The following NOX4 variants were observed in gnomAD, a reference collection of about 807,000 sequenced individuals.
NOX4 encodes the protein kidney oxidase-1.
A neutral mutation model predicts 87.6 loss-of-function variants in NOX4; 69 were observed. That is an observed-to-expected ratio of 0.79 (90% confidence interval 0.65 to 0.96). NOX4 has a LOEUF of 0.96. Ranked by LOEUF, NOX4 falls within the 40% of genes least tolerant of loss-of-function variation. The probability of loss-of-function intolerance (pLI) is 0.00; values close to 1 mark genes in which losing one functional copy is unlikely to be tolerated. For synonymous variants in NOX4, 275 were observed against 238.2 expected (o/e 1.15, Z -1.42); for missense variants, 680 against 681.5 (o/e 1.00, Z 0.02).
chr11:89,336,112 T>C (rs536706990), intron 16 of NOX4, 167 bp from the exon 17 acceptor site: 65 of 421,956 alleles, frequency 1.5e-4, no homozygotes, highest in African/African-American at 1.2e-3. Flanking sequence ...ATCATTTCCT[T>C]TCTTCTTTCT....
At position 89,362,930 on chromosome 11, in the gene NOX4, T is replaced by C. The variant is rs1433955425; in HGVS notation, c.1136-7887A>G. ...AAATGTGAACACCTAAAATAAGTAA[T>C]TTCTCAGTAACATTTCTGAGCATGC... On this transcript the variant is annotated intron_variant, in intron 12 of 17. Coordinates refer to ENST00000263317, the MANE Select transcript of NOX4 (RefSeq NM_016931.5). 3.9e-5 allele frequency among the ~76,000 whole-genome samples: 6 copies of C among 152,248 alleles called. No individual in the cohort carries two copies. In the East Asian group the frequency reaches 9.7e-4, roughly 25 times the overall value.
intron 12 of NOX4, among the ~76,000 whole-genome samples, chr11:89,367,042 A>T (rs1939056023): frequency 6.6e-6 from 1 of 152,104 alleles, no homozygotes; most frequent in African/African-American, 2.4e-5. Context: ...GAGGCTGTAG[A>T]ATTTATGCCC....
At chr11:89,493,221 C>T (rs1220806400), upstream of NOX4, among the ~76,000 whole-genome samples, 1 of 151,924 alleles carries the variant, frequency 6.6e-6, no homozygotes, top group African/African-American at 2.4e-5. Flanking sequence ...CCCGTCTCTA[C>T]TAAAAATACA....
At chr11:89,558,458 G>C in the NOX4 span, among the ~76,000 whole-genome samples, 1 of 151,920 alleles carries the variant, frequency 6.6e-6, no homozygotes, top group African/African-American at 2.4e-5. Flanking sequence ...CCAAGTCTCT[G>C]GATGGAATGA....
chr11:89,477,021 A>T (rs948140651), intron 2 of NOX4, among the ~76,000 whole-genome samples: 1 of 152,150 alleles, frequency 6.6e-6, no homozygotes, highest in Non-Finnish European at 1.5e-5. Flanking sequence ...GGCACCAGGG[A>T]CTGGTTTTGG....
At chr11:89,447,605 G>A (rs973745688) in intron 4 of NOX4, among the ~76,000 whole-genome samples, 2 of 152,174 alleles carry the variant, frequency 1.3e-5, no homozygotes, top group Non-Finnish European at 2.9e-5. Context: ...AAAGTCAGAC[G>A]ACTAGTGACT....
At chr11:89,536,535 C>T in the NOX4 span, among the ~76,000 whole-genome samples, 2 of 152,004 alleles carry the variant, frequency 1.3e-5, no homozygotes, top group African/African-American at 4.8e-5. Flanking sequence ...GTTGTAGAGC[C>T]GCTGCAAGAA....
At chr11:89,568,214 A>G in the NOX4 span, among the ~76,000 whole-genome samples, 68,848 of 151,924 alleles carry the variant, frequency 0.45, 15,757 homozygotes, top group East Asian at 0.55. Flanking sequence ...CAACCGGAAA[A>G]CTAGCAGAAG....
At chr11:89,573,182 G>A in the NOX4 span, among the ~76,000 whole-genome samples, 1 of 151,742 alleles carries the variant, frequency 6.6e-6, no homozygotes, top group African/African-American at 2.4e-5. Context: ...TTTTGCAGTC[G>A]GTATTCATTT....
At chr11:89,352,525 C>G (rs1946505015) in intron 13 of NOX4, among the ~76,000 whole-genome samples, 1 of 152,118 alleles carries the variant, frequency 6.6e-6, no homozygotes, top group African/African-American at 2.4e-5. Context: ...AATTATTCAC[C>G]TTCTAGATGC....
chr11:89,531,288 C>T, the NOX4 span, among the ~76,000 whole-genome samples: 1 of 152,132 alleles, frequency 6.6e-6, no homozygotes, highest in South Asian at 2.1e-4. Flanking sequence ...CCATTGAACT[C>T]TCACCAACAC....
At chr11:89,486,998 C>A (rs953024619) in intron 2 of NOX4, among the ~76,000 whole-genome samples, 8 of 151,906 alleles carry the variant, frequency 5.3e-5, no homozygotes, top group African/African-American at 1.9e-4. Context: ...TAATGTGCTA[C>A]TAGAAAACTT....
intron 2 of NOX4, among the ~76,000 whole-genome samples, chr11:89,462,570 CA>C (rs1346097151): frequency 5.9e-5 from 9 of 152,032 alleles, no homozygotes; most frequent in African/African-American, 2.2e-4. Context: ...ATCAATTATA[CA>C]TATATAGATG....
the NOX4 span, among the ~76,000 whole-genome samples, chr11:89,536,240 G>A: frequency 2.1e-5 from 3 of 145,148 alleles, no homozygotes; most frequent in African/African-American, 7.8e-5. Context: ...TCCGCCTCCC[G>A]GGTTCACGCC....
intron 9 of NOX4, among the ~76,000 whole-genome samples, chr11:89,401,595 G>A (rs1941859175): frequency 6.6e-6 from 1 of 152,066 alleles, no homozygotes; most frequent in African/African-American, 2.4e-5. Context: ...TTTGCACGGG[G>A]GCAGTTCTCA....
chr11:89,571,641 A>G, the NOX4 span, among the ~76,000 whole-genome samples: 1 of 152,080 alleles, frequency 6.6e-6, no homozygotes, highest in Non-Finnish European at 1.5e-5. Context: ...TAAGAGCAAT[A>G]AGATGTTTTG....
In NOX4 at chr11:89,342,133, GCTGAC is replaced by G; in HGVS notation, c.1273_1277del (p.Val425ProfsTer22). Reference sequence around the variant, plus strand: ...CTCCAATGCCTCCAGCCACGCAGAGGCTGACCTCATAGTTCAGTGATTCCTCAAAT... The same window carrying G: ...CTCCAATGCCTCCAGCCACGCAGAGGCTCATAGTTCAGTGATTCCTCAAAT... On this transcript the variant is annotated frameshift_variant, in exon 14 of 18. Transcript: ENST00000263317. LOFTEE classifies it high-confidence loss of function. The G allele has an allele frequency of 1.2e-6, 2 of 1,612,630 alleles. No homozygotes were observed. Among genetic ancestry groups the G allele is most frequent in the Non-Finnish European group, 8.5e-7 (1 of 1,178,718 alleles).
At chr11:89,465,489 A>T (rs1295800167) in intron 2 of NOX4, among the ~76,000 whole-genome samples, 4 of 152,194 alleles carry the variant, frequency 2.6e-5, no homozygotes, top group Non-Finnish European at 4.4e-5. Context: ...CCCTTTGGGT[A>T]TATGCCTAGT....
At chr11:89,505,442 A>G in the NOX4 span, among the ~76,000 whole-genome samples, 869 of 152,016 alleles carry the variant, frequency 5.7e-3, 4 homozygotes, top group Non-Finnish European at 0.01. Flanking sequence ...AAGTAAGCGT[A>G]ACTTTAATGA....
Sources: gnomAD v4.1 joint callset for allele counts (sites outside exome capture counted in the v4.1 genomes callset) on GRCh38, gnomAD v4.1.1 for gene constraint, MANE v1.5 for transcripts, NCBI Gene and HGNC (gene_info 2026-07-23, HGNC 2026-07-21) for gene names.